The following PHLPP1 variants were observed in gnomAD, a reference collection of about 807,000 sequenced individuals.
PHLPP1 encodes the protein PH domain and leucine rich repeat protein phosphatase 1, also known as PH domain leucine-rich repeat-containing protein phosphatase 1.
A neutral mutation model predicts 117.2 loss-of-function variants in PHLPP1; 42 were observed. The observed-to-expected ratio is 0.36, with a 90% CI of 0.28 to 0.46. PHLPP1 has a LOEUF of 0.46. Ranked by LOEUF, PHLPP1 falls within the 20% of genes least tolerant of loss-of-function variation. The pLI is 1.00. For missense variants in PHLPP1, 2,084 were observed against 2,241.9 expected (o/e 0.93, Z 1.42); for synonymous variants, 1,042 against 970.7 (o/e 1.07, Z -1.37).
At chr18:62,835,458 A>G (rs1209832501) in intron 2 of PHLPP1, among the ~76,000 whole-genome samples, 1 of 151,938 alleles carries the variant, frequency 6.6e-6, no homozygotes, top group African/African-American at 2.4e-5. Flanking sequence ...TCGGCCTCCT[A>G]AAGTGCTGGG....
In PHLPP1 at chr18:62,978,662, A is replaced by G; in HGVS notation, c.4385A>G (p.Asp1462Gly). 2 of 1,613,840 alleles carry G rather than the reference A, an allele frequency of 1.2e-6. No homozygotes were observed. Among genetic ancestry groups the G allele is most frequent in the Non-Finnish European group, 1.7e-6 (2 of 1,179,852 alleles). ...ATGGTGATCAAGGATCGGCCCTCAGATGGGCTGGGCGTGCCGTCCTCCAGC... is the reference window on the plus strand; with the variant it reads ...ATGGTGATCAAGGATCGGCCCTCAGGTGGGCTGGGCGTGCCGTCCTCCAGC... ...VNMVIKDRPS[D>G]GLGVPSSSSG... The change falls in exon 17 of 17, where the codon GAT (aspartate) becomes GGT (glycine). Residue 1462 changes from aspartate to glycine, a missense_variant. Coordinates refer to ENST00000262719, the MANE Select transcript of PHLPP1 (RefSeq NM_194449.4). This position sits in a 1 kb window ranked among gnomAD's most constrained non-coding sequence, Gnocchi z 7.0.
intron 1 of PHLPP1, among the ~76,000 whole-genome samples, chr18:62,724,051 G>A: frequency 6.6e-6 from 1 of 152,142 alleles, no homozygotes; most frequent in East Asian, 1.9e-4. Flanking sequence ...TGGACCTAAT[G>A]TACACAAGTC....
chr18:62,756,486 G>A (rs111946284), intron 1 of PHLPP1, among the ~76,000 whole-genome samples: 35 of 152,192 alleles, frequency 2.3e-4, no homozygotes, highest in African/African-American at 8.0e-4. Context: ...AGAAGTGGTT[G>A]GGATCTAGAC....
intron 6 of PHLPP1, among the ~76,000 whole-genome samples, chr18:62,900,194 G>T (rs561248137): frequency 3.3e-5 from 5 of 152,088 alleles, no homozygotes; most frequent in Admixed American, 6.6e-5. Context: ...CTACTCGGTA[G>T]GCTAAGGCAG....
intron 1 of PHLPP1, among the ~76,000 whole-genome samples, chr18:62,797,459 A>G (rs1913657777): frequency 1.3e-5 from 2 of 152,314 alleles, no homozygotes; most frequent in Middle Eastern, 3.4e-3. Flanking sequence ...TTTATAACAC[A>G]CTATATGGTA....
intron 1 of PHLPP1, among the ~76,000 whole-genome samples, chr18:62,789,900 G>A (rs1913408693): frequency 6.6e-6 from 1 of 152,008 alleles, no homozygotes; most frequent in African/African-American, 2.4e-5. Context: ...ATTTTCTTTG[G>A]CTTTTTCTTT....
intron 4 of PHLPP1, among the ~76,000 whole-genome samples, chr18:62,862,146 C>G (rs1285488635): frequency 6.6e-6 from 1 of 151,094 alleles, no homozygotes; most frequent in African/African-American, 2.4e-5. Context: ...GTGGCACAAT[C>G]TCGGCTCACT....
intron 4 of PHLPP1, among the ~76,000 whole-genome samples, chr18:62,891,893 A>C (rs1205284194): frequency 3.4e-5 from 1 of 29,422 alleles, no homozygotes; most frequent in Non-Finnish European, 9.9e-5. Context: ...TTTCTCAAAA[A>C]AAAAAAAAAA....
At chr18:62,849,487 C>T (rs1417444908) in intron 3 of PHLPP1, among the ~76,000 whole-genome samples, 3 of 151,496 alleles carry the variant, frequency 2.0e-5, no homozygotes, top group Non-Finnish European at 4.4e-5. Flanking sequence ...ATGGTGAAAC[C>T]CCATCTCTAC....
intron 1 of PHLPP1, among the ~76,000 whole-genome samples, chr18:62,735,930 C>G (rs1349741852): frequency 6.6e-6 from 1 of 151,116 alleles, no homozygotes; most frequent in Non-Finnish European, 1.5e-5. Flanking sequence ...CACATGTACC[C>G]TAAAACTTAA....
chr18:62,919,096 A>C (rs779546185), intron 9 of PHLPP1, among the ~76,000 whole-genome samples: 75 of 152,360 alleles, frequency 4.9e-4, no homozygotes, highest in Non-Finnish European at 8.8e-4. Flanking sequence ...TTTATTAATT[A>C]GGCAGATTGA....
At chr18:62,855,941 A>G (rs1052376946) in intron 3 of PHLPP1, among the ~76,000 whole-genome samples, 1 of 152,224 alleles carries the variant, frequency 6.6e-6, no homozygotes, top group African/African-American at 2.4e-5. Context: ...CAAGTACTCA[A>G]CGTGGGGTTA....
At position 62,726,249 on chromosome 18, in the gene PHLPP1, A is replaced by T. The variant is rs545611287; in HGVS notation, c.1576+8990A>T. ...ATCCTGGGGAAAAAAATCTCAATTT[A>T]AAAAAATTTGCAGTTAATTTTGTTG... On this transcript the variant is annotated intron_variant, in intron 1 of 16. Transcript: ENST00000262719. Among the ~76,000 whole-genome samples the T allele has an allele frequency of 3.7e-3, 556 of 152,108 alleles. 2 individuals carry two copies. Among genetic ancestry groups the T allele is most frequent in the Non-Finnish European group, 5.9e-3 (402 of 67,980 alleles).
chr18:62,728,714 A>G (rs1223508129), intron 1 of PHLPP1, among the ~76,000 whole-genome samples: 1 of 152,012 alleles, frequency 6.6e-6, no homozygotes, highest in East Asian at 1.9e-4. Context: ...TCACCATGTT[A>G]GCCAGGCTGG....
At chr18:62,773,831 G>T (rs1912870157) in intron 1 of PHLPP1, among the ~76,000 whole-genome samples, 1 of 152,172 alleles carries the variant, frequency 6.6e-6, no homozygotes, top group Non-Finnish European at 1.5e-5. Flanking sequence ...TGGAGGCTGG[G>T]AAGTCCAAGA....
intron 1 of PHLPP1, among the ~76,000 whole-genome samples, chr18:62,794,191 C>G (rs1194367258): frequency 1.3e-5 from 2 of 151,884 alleles, no homozygotes; most frequent in Admixed American, 1.3e-4. Flanking sequence ...TATCTATCCC[C>G]CCCGAAAAAA....
At chr18:62,940,217 A>C (rs1910087536) in intron 10 of PHLPP1, among the ~76,000 whole-genome samples, 4 of 150,736 alleles carry the variant, frequency 2.7e-5, no homozygotes. Context: ...ATTTGTTGCC[A>C]TTCCCCAGCT....
chr18:62,965,263 A>G (rs147349696), intron 14 of PHLPP1, among the ~76,000 whole-genome samples: 1 of 152,120 alleles, frequency 6.6e-6, no homozygotes, highest in East Asian at 1.9e-4. Flanking sequence ...AGTTATTTAA[A>G]CACAGAGTTT....
intron 4 of PHLPP1, among the ~76,000 whole-genome samples, chr18:62,887,723 T>C (rs1009932987): frequency 7.2e-5 from 11 of 152,148 alleles, no homozygotes; most frequent in African/African-American, 2.4e-4. Context: ...ATTTTGTTTT[T>C]TGTTTTTATT....
Sources: gnomAD v4.1 joint callset for allele counts (sites outside exome capture counted in the v4.1 genomes callset) on GRCh38, gnomAD v4.1.1 for gene constraint, Gnocchi (gnomAD v3.1) non-coding constraint, MANE v1.5 for transcripts, NCBI Gene and HGNC (gene_info 2026-07-23, HGNC 2026-07-21) for gene names.